Variants in CAMK2A observed in about 807,000 individuals in gnomAD.
CAMK2A encodes calcium/calmodulin dependent protein kinase II alpha.
CAMK2A carries 7 observed loss-of-function variants against 79.2 expected under a neutral mutation model. The ratio of observed to expected loss-of-function variants is 0.09; its 90% CI spans 0.05 to 0.17. The LOEUF (loss-of-function observed/expected upper bound fraction) is 0.17. Among genes scored for constraint, CAMK2A ranks in the 10% least tolerant of loss-of-function variants. The pLI, the probability that CAMK2A is intolerant of heterozygous loss-of-function variation, is 1.00. For missense variants in CAMK2A, 214 were observed against 646.4 expected (o/e 0.33, Z 7.25); for synonymous variants, 242 against 251.7 (o/e 0.96, Z 0.36).
In CAMK2A at chr5:150,242,057, G is replaced by A. The variant is rs549918042; in HGVS notation, c.985-2321C>T. On this transcript the variant is annotated intron_variant, in intron 13 of 18. Coordinates refer to ENST00000671881, the MANE Select transcript of CAMK2A (RefSeq NM_015981.4). ...GATGGGACATGGGGAGAGAGGTCAC[G>A]ATGCACAATGGGACACCAACAGGGG... Among the ~76,000 whole-genome samples, 8 of 152,318 alleles carry A rather than the reference G, an allele frequency of 5.3e-5. No homozygotes were observed. In the South Asian group the frequency reaches 1.5e-3, roughly 28 times the overall value.
chr5:150,225,064 G>C (rs1407703961), intron 17 of CAMK2A, among the ~76,000 whole-genome samples: 2 of 150,940 alleles, frequency 1.3e-5, no homozygotes, highest in Non-Finnish European at 3.0e-5. Context: ...GAGAGAGAGA[G>C]AGAGAGAGAA....
Position 150,231,288 on chromosome 5 carries a change from G to C in CAMK2A, c.1142+17C>G, listed in dbSNP as rs752941395. On this transcript the variant is annotated intron_variant, in intron 16 of 18. Coordinates refer to ENST00000671881, the MANE Select transcript of CAMK2A (RefSeq NM_015981.4). ...ACAATCCAGGCAGGACATGCAGAAT[G>C]AGCCCAGCTGACTCACGTGTAGGAC... 6 of 1,517,086 alleles carry C rather than the reference G, an allele frequency of 4.0e-6. No homozygotes were observed. The highest frequency in any genetic ancestry group is 1.7e-4 in the Middle Eastern group (1 of 5,842). The allele number at this position is 1,517,086 out of a possible 1,614,324, so 94.0% of individuals were successfully genotyped here.
intron 15 of CAMK2A, among the ~76,000 whole-genome samples, chr5:150,237,130 T>C (rs994735324): frequency 1.1e-4 from 17 of 152,276 alleles, no homozygotes; most frequent in Admixed American, 1.1e-3. Context: ...AGGTTGGGAA[T>C]GACCAGGAAG....
At chr5:150,287,832 A>G (rs1327086967) in intron 1 of CAMK2A, among the ~76,000 whole-genome samples, 1 of 152,120 alleles carries the variant, frequency 6.6e-6, no homozygotes, top group Admixed American at 6.5e-5. Flanking sequence ...TACCCGCAAA[A>G]AAAGCACATT....
Position 150,284,205 on chromosome 5 carries a change from C to T in CAMK2A, c.62+5359G>A, listed in dbSNP as rs1212018236. 2.0e-5 allele frequency among the ~76,000 whole-genome samples: 3 copies of T among 152,192 alleles called. No homozygotes were observed. Among genetic ancestry groups the T allele is most frequent in the Non-Finnish European group, 4.4e-5 (3 of 68,030 alleles). ...GAGACCAGAGAGATGGAGAGAAGAA[C>T]ACAGAGAAAGACAAGCCCTGCTAGC... On this transcript the variant is annotated intron_variant, in intron 1 of 18. Transcript: ENST00000671881. This position sits in a 1 kb window ranked among gnomAD's most constrained non-coding sequence, Gnocchi z 5.3.
intron 13 of CAMK2A, among the ~76,000 whole-genome samples, chr5:150,244,022 T>A (rs924301583): frequency 1.3e-5 from 2 of 152,224 alleles, no homozygotes; most frequent in African/African-American, 4.8e-5. Flanking sequence ...TGAAAACCAC[T>A]GTCTTGGACT....
At chr5:150,248,461 A>C (rs1391883492) in intron 11 of CAMK2A, among the ~76,000 whole-genome samples, 1 of 148,168 alleles carries the variant, frequency 6.7e-6, no homozygotes, top group East Asian at 2.0e-4. Context: ...CATTAGGTAT[A>C]TCTCCTAATG....
chr5:150,226,803 TTTTTGTG>T (rs1330079096), intron 17 of CAMK2A, among the ~76,000 whole-genome samples: 4 of 150,184 alleles, frequency 2.7e-5, no homozygotes, highest in African/African-American at 4.9e-5. Context: ...GGTTTTTTGT[TTTTTGTG>T]TTTTTTTTGT....
At chr5:150,225,623 C>A (rs565062544) in intron 17 of CAMK2A, among the ~76,000 whole-genome samples, 1 of 152,290 alleles carries the variant, frequency 6.6e-6, no homozygotes, top group East Asian at 1.9e-4. Context: ...ACTGGGGGAC[C>A]AGTGCCCCCA....
intron 1 of CAMK2A, among the ~76,000 whole-genome samples, chr5:150,276,929 C>A (rs1005826762): frequency 1.3e-5 from 2 of 151,026 alleles, no homozygotes; most frequent in Non-Finnish European, 2.9e-5. Flanking sequence ...CCTGGAGGAT[C>A]TTTAAAAAAA....
chr5:150,249,066 T>C (rs1274843134), intron 11 of CAMK2A, among the ~76,000 whole-genome samples: 8 of 152,256 alleles, frequency 5.3e-5, no homozygotes, highest in Non-Finnish European at 8.8e-5. Flanking sequence ...CCTGGCATCA[T>C]GCTGGCCACC....
At chr5:150,237,624 C>T (rs1240375563) in intron 15 of CAMK2A, among the ~76,000 whole-genome samples, 1 of 152,112 alleles carries the variant, frequency 6.6e-6, no homozygotes, top group African/African-American at 2.4e-5. Flanking sequence ...ACCCTAGCCA[C>T]ATCCTTGTGA....
intron 17 of CAMK2A, among the ~76,000 whole-genome samples, chr5:150,226,756 G>A (rs868599574): frequency 9.2e-6 from 1 of 108,762 alleles, no homozygotes; most frequent in Non-Finnish European, 1.9e-5. Context: ...GGGGGGGGGG[G>A]ATTTTCCTGA....
intron 7 of CAMK2A, among the ~76,000 whole-genome samples, chr5:150,253,019 C>T (rs897603480): frequency 2.0e-5 from 3 of 152,216 alleles, no homozygotes; most frequent in Non-Finnish European, 4.4e-5. Context: ...CCTGGTCTAT[C>T]CCTTTTAAAC....
Position 150,284,714 on chromosome 5 carries a change from G to A in CAMK2A, c.62+4850C>T, listed in dbSNP as rs541378416. On this transcript the variant is annotated intron_variant, in intron 1 of 18. Transcript: ENST00000671881. This position sits in a 1 kb window ranked among gnomAD's most constrained non-coding sequence, Gnocchi z 5.3. ...TCAATTTCCCATCCTTTGGCCTCTGGTCCCTGCACGTCATCTAGTCCCCTA... is the reference window on the plus strand; with the variant it reads ...TCAATTTCCCATCCTTTGGCCTCTGATCCCTGCACGTCATCTAGTCCCCTA... Among the ~76,000 whole-genome samples, 2 of 152,208 alleles carry A rather than the reference G, an allele frequency of 1.3e-5. No homozygotes were observed. The highest frequency in any genetic ancestry group is 4.2e-4 in the South Asian group (2 of 4,818).
Position 150,255,056 on chromosome 5 carries a change from C to A in CAMK2A, c.412-1510G>T, listed in dbSNP as rs139275933. Among the ~76,000 whole-genome samples, 592 of 152,268 alleles carry A rather than the reference C, an allele frequency of 3.9e-3. 3 individuals are homozygous for A. The highest frequency in any genetic ancestry group is 6.6e-3 in the Non-Finnish European group (447 of 68,016). On this transcript the variant is annotated intron_variant, in intron 6 of 18. Coordinates refer to ENST00000671881, the MANE Select transcript of CAMK2A (RefSeq NM_015981.4). ...CGCCTGGCTCAAAGGCCTCCTTTGT[C>A]CTCTGGGGACAATGTTCCTAACATG...
intron 1 of CAMK2A, among the ~76,000 whole-genome samples, chr5:150,283,145 C>T (rs1054210064): frequency 4.6e-5 from 7 of 152,216 alleles, no homozygotes; most frequent in African/African-American, 9.6e-5. Flanking sequence ...CCCTGCCTGG[C>T]CCCCTCTTCC....
intron 1 of CAMK2A, among the ~76,000 whole-genome samples, chr5:150,273,397 G>A (rs73268744): frequency 1.5e-3 from 227 of 152,330 alleles, no homozygotes; most frequent in African/African-American, 5.1e-3. Context: ...GCCTGCCAAC[G>A]TCATCAAAGT....
chr5:150,235,534 T>G (rs999918626), intron 15 of CAMK2A, among the ~76,000 whole-genome samples: 4 of 152,242 alleles, frequency 2.6e-5, no homozygotes, highest in East Asian at 3.8e-4. Flanking sequence ...TGACTGATAT[T>G]TCCCAGAATG....
Sources: gnomAD v4.1 joint callset for allele counts (sites outside exome capture counted in the v4.1 genomes callset) on GRCh38, gnomAD v4.1.1 for gene constraint, Gnocchi (gnomAD v3.1) non-coding constraint, MANE v1.5 for transcripts, NCBI Gene and HGNC (gene_info 2026-07-23, HGNC 2026-07-21) for gene names.